CBLB: variants seen among roughly 807,000 people sequenced by gnomAD.
CBLB encodes Cbl proto-oncogene B.
CBLB carries 31 observed loss-of-function variants against 104.9 expected under a neutral mutation model. The observed-to-expected ratio is 0.30, with a 90% CI of 0.22 to 0.40. CBLB has a LOEUF of 0.40. Among genes scored for constraint, CBLB ranks in the 10% least tolerant of loss-of-function variants. The pLI, the probability that CBLB is intolerant of heterozygous loss-of-function variation, is 1.00. For missense variants in CBLB, 1,062 were observed against 1,214.6 expected (o/e 0.87, Z 1.87); for synonymous variants, 440 against 422.6 (o/e 1.04, Z -0.51).
At chr3:105,783,814 C>A (rs2080601475) in intron 3 of CBLB, among the ~76,000 whole-genome samples, 1 of 152,028 alleles carries the variant, frequency 6.6e-6, no homozygotes, top group African/African-American at 2.4e-5. Flanking sequence ...GTGAATTAGG[C>A]CAGGAATTGG....
intron 10 of CBLB, among the ~76,000 whole-genome samples, chr3:105,709,588 C>T (rs538031461): frequency 3.3e-5 from 5 of 151,968 alleles, no homozygotes; most frequent in South Asian, 4.1e-4. Context: ...TAGCGGTAAA[C>T]ATTCTTCATG....
intron 4 of CBLB, among the ~76,000 whole-genome samples, chr3:105,764,981 A>G (rs760254946): frequency 2.6e-5 from 4 of 152,234 alleles, no homozygotes; most frequent in Non-Finnish European, 4.4e-5. Context: ...AGGAAGCTTC[A>G]GAAGTAAAGT....
chr3:105,828,359 T>C (rs1042818423), intron 3 of CBLB, among the ~76,000 whole-genome samples: 3 of 152,128 alleles, frequency 2.0e-5, no homozygotes, highest in Non-Finnish European at 4.4e-5. Flanking sequence ...ACAAAATGGA[T>C]TTTGGAGGCA....
At position 105,702,474 on chromosome 3, in the gene CBLB, GAGAAA is replaced by G; in HGVS notation, c.1594-20_1594-16del. ...CAAGGAGAAGACTAAAGAAACAGAA[GAGAAA>G]AAAAAAAAAAAAAAAAAAAACTAAA... On this transcript the variant is annotated splice_polypyrimidine_tract_variant and intron_variant, in intron 11 of 18. Transcript: ENST00000394030. 6.0e-6 allele frequency: 1 copy of G among 165,592 alleles called. No individual in the cohort carries two copies. Among genetic ancestry groups the G allele is most frequent in the Non-Finnish European group, 9.5e-6 (1 of 105,772 alleles). The allele number at this position is 165,592 out of a possible 1,614,324, so 10.3% of individuals were successfully genotyped here.
At chr3:105,730,853 T>A (rs772481462) in intron 9 of CBLB, among the ~76,000 whole-genome samples, 5 of 152,208 alleles carry the variant, frequency 3.3e-5, no homozygotes, top group Non-Finnish European at 7.4e-5. Flanking sequence ...GTCATTTTTG[T>A]TTCTACTTTA....
At chr3:105,851,842 T>C (rs1351254737) in intron 3 of CBLB, among the ~76,000 whole-genome samples, 1 of 152,190 alleles carries the variant, frequency 6.6e-6, no homozygotes, top group African/African-American at 2.4e-5. Context: ...TGCATTTATG[T>C]TAGTGCTTTC....
intron 12 of CBLB, among the ~76,000 whole-genome samples, chr3:105,697,703 T>C (rs10933830): frequency 0.17 from 26,432 of 151,920 alleles, 2,723 homozygotes; most frequent in East Asian, 0.52. Flanking sequence ...TCATTTGATA[T>C]ATTTATCTTG....
At chr3:105,867,686 C>T (rs1578040213) in intron 1 of CBLB, 95 bp from the exon 2 acceptor site, 2 of 1,079,392 alleles carry the variant, frequency 1.9e-6, no homozygotes, top group East Asian at 2.5e-5. Flanking sequence ...ACTGCATCTT[C>T]CTCCATCGAT....
Position 105,702,471 on chromosome 3 carries a change from G to C in CBLB, c.1594-12C>G. 31 of 226,154 alleles carry C rather than the reference G, an allele frequency of 1.4e-4. No individual in the cohort carries two copies. Among genetic ancestry groups the C allele is most frequent in the East Asian group, 2.8e-4 (4 of 14,382 alleles). 14.0% of individuals were successfully genotyped at this position (226,154 alleles called of 1,614,324 possible). ...ATGCAAGGAGAAGACTAAAGAAACA[G>C]AAGAGAAAAAAAAAAAAAAAAAAAA... On this transcript the variant is annotated splice_polypyrimidine_tract_variant and intron_variant, in intron 11 of 18. Coordinates refer to ENST00000394030, the MANE Select transcript of CBLB (RefSeq NM_170662.5).
intron 13 of CBLB, 120 bp from the exon 14 acceptor site, chr3:105,685,586 G>GCTTCTCT: frequency 1.3e-6 from 1 of 796,182 alleles, no homozygotes; most frequent in Non-Finnish European, 2.1e-6. Flanking sequence ...TTCAATTACA[G>GCTTCTCT]GGTATCATCA....
Position 105,780,653 on chromosome 3 carries a change from G to GTTTTTTTTTTTT in CBLB, c.420-4112_420-4111insAAAAAAAAAAAA, listed in dbSNP as rs1245925965. The stretch of plus-strand genomic sequence containing the variant: ...TAAATAATTTTACAATAAAAGTTTT[G>GTTTTTTTTTTTT]TTTTTTGTTTTTTTTTTTTTTTTTT... On this transcript the variant is annotated intron_variant, in intron 3 of 18. Coordinates refer to ENST00000394030, the MANE Select transcript of CBLB (RefSeq NM_170662.5). 2.7e-4 allele frequency among the ~76,000 whole-genome samples: 23 copies of GTTTTTTTTTTTT among 84,654 alleles called. 1 individual carries two copies. The highest frequency in any genetic ancestry group is 5.2e-4 in the Admixed American group (4 of 7,640). The allele number at this position is 84,654 out of a possible 152,430, so 55.5% of individuals were successfully genotyped here. A position where few individuals can be genotyped will look rare whatever the true frequency, so the allele number is the denominator to read the frequency against.
At chr3:105,735,222 C>T (rs932937993) in intron 8 of CBLB, among the ~76,000 whole-genome samples, 1 of 152,052 alleles carries the variant, frequency 6.6e-6, no homozygotes, top group Non-Finnish European at 1.5e-5. Context: ...CATGCAGGTA[C>T]ACACATGTAC....
chr3:105,701,618 C>T (rs2069122563), intron 12 of CBLB, among the ~76,000 whole-genome samples: 1 of 152,102 alleles, frequency 6.6e-6, no homozygotes, highest in South Asian at 2.1e-4. Flanking sequence ...CAAAAATTAG[C>T]TAGGCGTGGT....
chr3:105,790,636 A>AGT (rs1285171048), intron 3 of CBLB, among the ~76,000 whole-genome samples: 1 of 152,178 alleles, frequency 6.6e-6, no homozygotes, highest in African/African-American at 2.4e-5. Flanking sequence ...ACACAATTAC[A>AGT]TACACTCTAA....
intron 3 of CBLB, among the ~76,000 whole-genome samples, chr3:105,807,187 T>C (rs146702447): frequency 6.6e-6 from 1 of 152,238 alleles, no homozygotes; most frequent in African/African-American, 2.4e-5. Flanking sequence ...AAATGTCACC[T>C]AAATAAATTT....
chr3:105,728,211 A>G (rs2073910429), intron 9 of CBLB, among the ~76,000 whole-genome samples: 1 of 151,642 alleles, frequency 6.6e-6, no homozygotes, highest in African/African-American at 2.4e-5. Flanking sequence ...TATTTAGAAA[A>G]CCCCGTCGTC....
At chr3:105,859,275 C>G (rs531649215) in intron 2 of CBLB, among the ~76,000 whole-genome samples, 139 of 152,304 alleles carry the variant, frequency 9.1e-4, no homozygotes, top group Non-Finnish European at 1.9e-3. Context: ...CATTATAAAA[C>G]ACGCCTCACT....
intron 4 of CBLB, among the ~76,000 whole-genome samples, chr3:105,762,663 T>G (rs970426122): frequency 2.0e-5 from 3 of 152,168 alleles, no homozygotes; most frequent in African/African-American, 4.8e-5. Context: ...GACATCCAGG[T>G]AGAAGTTTGC....
chr3:105,823,942 ACT>A (rs1442295741), intron 3 of CBLB, among the ~76,000 whole-genome samples: 2 of 152,032 alleles, frequency 1.3e-5, no homozygotes, highest in African/African-American at 4.8e-5. Flanking sequence ...GAATCTCCCC[ACT>A]GTGTTCTATT....
Sources: allele counts gnomAD v4.1 joint callset (sites outside exome capture counted in the v4.1 genomes callset), GRCh38; gene constraint gnomAD v4.1.1; transcripts MANE v1.5; gene names NCBI Gene and HGNC (gene_info 2026-07-23, HGNC 2026-07-21).